The following GML variants were observed in gnomAD, a reference collection of about 807,000 sequenced individuals.
The protein encoded by GML is glycosyl-phosphatidylinositol-anchored molecule-like protein.
A neutral mutation model predicts 8.2 loss-of-function variants in GML; 5 were observed. The ratio of observed to expected loss-of-function variants is 0.61; its 90% CI spans 0.32 to 1.28. GML has a LOEUF of 1.28. Ranked by LOEUF, GML falls within the 50% of genes most tolerant of loss-of-function variation. GML has a pLI of 0.06. For synonymous variants in GML, 72 were observed against 69.0 expected, an observed-to-expected ratio of 1.04 and a Z score of -0.22; for missense variants, 191 against 198.3, an observed-to-expected ratio of 0.96 and a Z score of 0.22.
At chr8:142,843,165 A>G (rs1816458615) in intron 3 of GML, among the ~76,000 whole-genome samples, 1 of 151,934 alleles carries the variant, frequency 6.6e-6, no homozygotes, top group Middle Eastern at 3.2e-3. Flanking sequence ...GTCCTGAGAC[A>G]AGGGGCCTGG....
rs1306883259 is a variant in GML, at chr8:142,846,823, G to C, written c.*133G>C. ...GGCCCATTTATGGTTTGTTGTAAGAGAAAAATTAAAAAAATATTGTTTAGT... is the reference window on the plus strand; with the variant it reads ...GGCCCATTTATGGTTTGTTGTAAGACAAAAATTAAAAAAATATTGTTTAGT... On this transcript the variant is annotated 3_prime_UTR_variant, in exon 4 of 4. Transcript: ENST00000220940. 3.1e-6 allele frequency: 2 copies of C among 638,434 alleles called. No homozygotes were observed. Among genetic ancestry groups the C allele is most frequent in the East Asian group, 5.5e-5 (2 of 36,544 alleles). The allele number at this position is 638,434 out of a possible 1,614,324, so 39.5% of individuals were successfully genotyped here. A position where few individuals can be genotyped will look rare whatever the true frequency, so the allele number is the denominator to read the frequency against.
At position 142,845,824 on chromosome 8, in the gene GML, A is replaced by G. The variant is rs544844447; in HGVS notation, c.182-571A>G. Among the ~76,000 whole-genome samples the G allele has an allele frequency of 3.3e-5, 5 of 152,354 alleles. No individual in the cohort carries two copies. The South Asian group carries it at 1.0e-3, about 32-fold the overall frequency. On this transcript the variant is annotated intron_variant, in intron 3 of 3. Coordinates refer to ENST00000220940, the MANE Select transcript of GML (RefSeq NM_002066.3). ...AACACGTACCTAGTTGGAAAGGTGC[A>G]TCAAGTCTGTACTGGGGAGGAGGTT...
chr8:142,838,515 G>A (rs1405604453), intron 1 of GML, among the ~76,000 whole-genome samples: 6 of 152,044 alleles, frequency 3.9e-5, no homozygotes, highest in African/African-American at 1.2e-4. Context: ...TTTGTGTCTG[G>A]GGTTTATGAT....
chr8:142,836,103 T>C (rs904724068), intron 1 of GML, among the ~76,000 whole-genome samples: 1 of 152,268 alleles, frequency 6.6e-6, no homozygotes, highest in African/African-American at 2.4e-5. Flanking sequence ...TCTTGTGCTC[T>C]GTAAGCTGTT....
rs774770679 is a variant in GML at position 142,846,725 on chromosome 8, T to C, written c.*35T>C. 7.4e-6 allele frequency: 11 copies of C among 1,486,370 alleles called. No individual in the cohort carries two copies. Among genetic ancestry groups the C allele is most frequent in the South Asian group, 1.2e-5 (1 of 84,896 alleles). The allele number at this position is 1,486,370 out of a possible 1,614,324, so 92.1% of individuals were successfully genotyped here. A position where few individuals can be genotyped will look rare whatever the true frequency, so the allele number is the denominator to read the frequency against. ...CTTGGAGGGTCTGACCATCTTCACC[T>C]GTTCCGCAGAGAAATGTTGCTCTCC... On this transcript the variant is annotated 3_prime_UTR_variant, in exon 4 of 4. Transcript: ENST00000220940.
chr8:142,837,299 C>CAAAAAAAA (rs61251350), intron 1 of GML, among the ~76,000 whole-genome samples: 2 of 148,352 alleles, frequency 1.3e-5, no homozygotes, highest in Non-Finnish European at 1.5e-5. Flanking sequence ...GACTCTGTTT[C>CAAAAAAAA]AAAAAAAGAA....
At chr8:142,841,056 TG>T in intron 2 of GML, 61 bp from the exon 3 acceptor site, 1 of 831,482 alleles carries the variant, frequency 1.2e-6, no homozygotes, top group Non-Finnish European at 2.1e-6. Flanking sequence ...TGGAGTGAGC[TG>T]GTAATGGGTG....
chr8:142,837,286 C>T (rs1816355974), intron 1 of GML, among the ~76,000 whole-genome samples: 3 of 144,454 alleles, frequency 2.1e-5, no homozygotes, highest in South Asian at 4.5e-4. Context: ...CAGGACAGAG[C>T]GAGACTCTGT....
chr8:142,843,840 T>TA (rs1406374285), intron 3 of GML, among the ~76,000 whole-genome samples: 1 of 152,192 alleles, frequency 6.6e-6, no homozygotes, highest in Non-Finnish European at 1.5e-5. Flanking sequence ...ATTAAAGACT[T>TA]AAACACATGG....
At chr8:142,843,918 A>G (rs960990930) in intron 3 of GML, among the ~76,000 whole-genome samples, 1 of 152,204 alleles carries the variant, frequency 6.6e-6, no homozygotes, top group African/African-American at 2.4e-5. Context: ...CAATTAACCT[A>G]CAAATCCAAA....
chr8:142,841,291 C>G (rs1816431233), intron 3 of GML, 66 bp downstream of exon 3: 1 of 830,370 alleles, frequency 1.2e-6, no homozygotes, highest in African/African-American at 1.7e-5. Context: ...TTTCTGGGGC[C>G]AGGGCCAGTC....
intron 1 of GML, among the ~76,000 whole-genome samples, chr8:142,836,024 A>G (rs999190817): frequency 6.6e-6 from 1 of 152,256 alleles, no homozygotes; most frequent in African/African-American, 2.4e-5. Flanking sequence ...TGCCCCATGC[A>G]TCTCTTCCGT....
intron 3 of GML, among the ~76,000 whole-genome samples, chr8:142,843,828 C>T (rs1401419494): frequency 1.3e-5 from 2 of 152,124 alleles, no homozygotes; most frequent in African/African-American, 4.8e-5. Context: ...ACTTAAAACA[C>T]CATTAAAGAC....
At chr8:142,841,365 T>A in intron 3 of GML, 140 bp downstream of exon 3, 1 of 638,860 alleles carries the variant, frequency 1.6e-6, no homozygotes, top group East Asian at 2.8e-5. Context: ...CTGAGTGCGT[T>A]TCTGCACGCT....
chr8:142,843,255 TACACACACACACACACACACACACACAC>T (rs55778635), intron 3 of GML, among the ~76,000 whole-genome samples: 1 of 140,000 alleles, frequency 7.1e-6, no homozygotes, highest in African/African-American at 2.7e-5. Flanking sequence ...AAAAGGTTCA[TACACACACACACACACACACACACACAC>T]ACACACACAC....
At chr8:142,841,840 C>T (rs934035869) in intron 3 of GML, among the ~76,000 whole-genome samples, 2 of 152,302 alleles carry the variant, frequency 1.3e-5, no homozygotes, top group African/African-American at 4.8e-5. Flanking sequence ...TATGCCCTGG[C>T]GCACAGGTGG....
chr8:142,844,243 G>A (rs1816474529), intron 3 of GML, among the ~76,000 whole-genome samples: 1 of 152,180 alleles, frequency 6.6e-6, no homozygotes, highest in South Asian at 2.1e-4. Context: ...TCTCTGCGCT[G>A]AGCAGTAGTG....
chr8:142,836,803 G>C lies in GML; in HGVS notation c.-23+1935G>C, dbSNP rs561919284. Among the ~76,000 whole-genome samples, 182 of 152,072 alleles carry C rather than the reference G, an allele frequency of 1.2e-3. 2 individuals are homozygous for C. Among genetic ancestry groups the C allele is most frequent in the Admixed American group, 2.7e-3 (41 of 15,260 alleles). On this transcript the variant is annotated intron_variant, in intron 1 of 3. Transcript: ENST00000220940. ...CCTGACCCTGGCTGCCTCTGGAGCC[G>C]GCCCTGTCTCTAACCCTAACTGAAG...
chr8:142,839,458 C>G, intron 1 of GML, among the ~76,000 whole-genome samples: 1 of 152,224 alleles, frequency 6.6e-6, no homozygotes, highest in South Asian at 2.1e-4. Flanking sequence ...GCTGCACAGT[C>G]AGCTTCTAGT....
Sources: allele counts gnomAD v4.1 joint callset (sites outside exome capture counted in the v4.1 genomes callset), GRCh38; gene constraint gnomAD v4.1.1; transcripts MANE v1.5; gene names NCBI Gene and HGNC (gene_info 2026-07-23, HGNC 2026-07-21).